The following NPSR1 variants were observed in gnomAD, a reference collection of about 807,000 sequenced individuals.
NPSR1 encodes neuropeptide S receptor.
A neutral mutation model predicts 46.9 loss-of-function variants in NPSR1; 48 were observed. The observed-to-expected ratio is 1.02, with a 90% CI of 0.81 to 1.30. The LOEUF (loss-of-function observed/expected upper bound fraction) is 1.30, where lower values mean the gene tolerates loss of function less well. Among genes scored for constraint, NPSR1 ranks in the 50% most tolerant of loss-of-function variants. The pLI is 0.00. For synonymous variants in NPSR1, 176 were observed against 168.1 expected (o/e 1.05, Z -0.36); for missense variants, 450 against 449.5 (o/e 1.00, Z -0.01).
At chr7:34,669,676 A>G (rs1168341927) in intron 1 of NPSR1, among the ~76,000 whole-genome samples, 1 of 152,214 alleles carries the variant, frequency 6.6e-6, no homozygotes, top group African/African-American at 2.4e-5. Context: ...AATAATGACC[A>G]CTGGCACACA....
chr7:34,789,097 A>G (rs1019662526), intron 3 of NPSR1, among the ~76,000 whole-genome samples: 1 of 152,102 alleles, frequency 6.6e-6, no homozygotes, highest in African/African-American at 2.4e-5. Flanking sequence ...ATATCTTAAG[A>G]TAAATGAAAA....
At chr7:34,778,731 C>T (rs1787095269) in intron 3 of NPSR1, among the ~76,000 whole-genome samples, 166 bp downstream of exon 3, 1 of 151,970 alleles carries the variant, frequency 6.6e-6, no homozygotes, top group South Asian at 2.1e-4. Flanking sequence ...ATTTCCTTTG[C>T]TAAAAATAGT....
At chr7:34,687,725 C>T (rs1195575821) in intron 2 of NPSR1, among the ~76,000 whole-genome samples, 4 of 152,134 alleles carry the variant, frequency 2.6e-5, no homozygotes, top group Non-Finnish European at 1.5e-5. Context: ...ATATTATGTG[C>T]TGTGCTTGCA....
At chr7:34,828,310 A>G (rs1369037997) in intron 5 of NPSR1, among the ~76,000 whole-genome samples, 1 of 152,236 alleles carries the variant, frequency 6.6e-6, no homozygotes, top group Non-Finnish European at 1.5e-5. Flanking sequence ...AGAAGTTGGC[A>G]GTGAGCTCCT....
intron 2 of NPSR1, among the ~76,000 whole-genome samples, chr7:34,773,498 G>A (rs917620694): frequency 1.3e-5 from 2 of 152,148 alleles, no homozygotes; most frequent in East Asian, 3.9e-4. Flanking sequence ...GATCAGGAAA[G>A]GAAAGCTTAT....
intron 7 of NPSR1, among the ~76,000 whole-genome samples, chr7:34,847,558 A>G (rs13245730): frequency 0.4 from 60,929 of 151,710 alleles, 13,636 homozygotes; most frequent in African/African-American, 0.6. Context: ...AACCAGGAGA[A>G]TGGATGGGGT....
At chr7:34,794,077 A>G (rs1003891817) in intron 3 of NPSR1, among the ~76,000 whole-genome samples, 13 of 152,108 alleles carry the variant, frequency 8.5e-5, no homozygotes, top group Non-Finnish European at 1.5e-4. Context: ...AGGGTAAGTG[A>G]AAGAGGGTAT....
intron 4 of NPSR1, among the ~76,000 whole-genome samples, chr7:34,814,540 G>T (rs937996079): frequency 6.6e-6 from 1 of 152,216 alleles, no homozygotes; most frequent in Admixed American, 6.5e-5. Flanking sequence ...AGAGCACAGT[G>T]GTTCTTCCAG....
intron 8 of NPSR1, among the ~76,000 whole-genome samples, chr7:34,862,982 T>C (rs531426335): frequency 1.4e-4 from 21 of 151,842 alleles, no homozygotes; most frequent in African/African-American, 5.1e-4. Context: ...CTTCAAACTA[T>C]ACTACAAGGC....
intron 2 of NPSR1, among the ~76,000 whole-genome samples, chr7:34,731,241 G>C (rs1784403577): frequency 6.6e-6 from 1 of 151,912 alleles, no homozygotes; most frequent in Non-Finnish European, 1.5e-5. Context: ...AAATCAATAA[G>C]TAGAAGATAA....
chr7:34,711,757 A>G (rs867760955), intron 2 of NPSR1, among the ~76,000 whole-genome samples: 19 of 152,220 alleles, frequency 1.2e-4, no homozygotes, highest in African/African-American at 4.6e-4. Flanking sequence ...CTCTACTGTC[A>G]CTGTTTGGGT....
chr7:34,829,025 T>C (rs1789995927), intron 5 of NPSR1, among the ~76,000 whole-genome samples: 2 of 152,240 alleles, frequency 1.3e-5, no homozygotes, highest in Non-Finnish European at 2.9e-5. Context: ...CTTTAATTAC[T>C]AAGCTGGTGG....
At chr7:34,815,410 T>C (rs984784994) in intron 4 of NPSR1, among the ~76,000 whole-genome samples, 1 of 152,050 alleles carries the variant, frequency 6.6e-6, no homozygotes, top group African/African-American at 2.4e-5. Context: ...CTCCAAGAAA[T>C]ATGGTACTAT....
chr7:34,867,680 T>C (rs1791343991), intron 8 of NPSR1, among the ~76,000 whole-genome samples: 1 of 151,846 alleles, frequency 6.6e-6, no homozygotes, highest in African/African-American at 2.4e-5. Context: ...AAATAAGTAA[T>C]GGGTCACTGG....
chr7:34,810,435 G>T (rs1369697518), intron 3 of NPSR1, among the ~76,000 whole-genome samples: 1 of 152,262 alleles, frequency 6.6e-6, no homozygotes, highest in Non-Finnish European at 1.5e-5. Context: ...ATTGTACACA[G>T]ATAATTAAAA....
chr7:34,669,420 A>G (rs12701375), intron 1 of NPSR1, among the ~76,000 whole-genome samples: 20,059 of 151,976 alleles, frequency 0.13, 1,466 homozygotes, highest in African/African-American at 0.19. Context: ...AAAATTAGCC[A>G]GGCGTGGTGG....
At chr7:34,740,768 T>C (rs1784902575) in intron 2 of NPSR1, among the ~76,000 whole-genome samples, 1 of 152,198 alleles carries the variant, frequency 6.6e-6, no homozygotes, top group Non-Finnish European at 1.5e-5. Context: ...TCCTAGGTCT[T>C]GCAGGAACAA....
downstream of NPSR1, among the ~76,000 whole-genome samples, chr7:34,851,305 C>CT (rs11337710): frequency 4.3e-3 from 589 of 135,850 alleles, 4 homozygotes; most frequent in African/African-American, 8.7e-3. Flanking sequence ...GTCATGTGGG[C>CT]TTTTTTTTTT....
intron 3 of NPSR1, among the ~76,000 whole-genome samples, chr7:34,796,192 C>G (rs1296518071): frequency 6.6e-6 from 1 of 151,986 alleles, no homozygotes; most frequent in African/African-American, 2.4e-5. Flanking sequence ...GACATCCACA[C>G]GCCTAATAAT....
Sources: gnomAD v4.1 joint callset for allele counts (sites outside exome capture counted in the v4.1 genomes callset) on GRCh38, gnomAD v4.1.1 for gene constraint, MANE v1.5 for transcripts, NCBI Gene and HGNC (gene_info 2026-07-23, HGNC 2026-07-21) for gene names.